The following GLCCI1 variants were observed in gnomAD, a reference collection of about 807,000 sequenced individuals.
The protein encoded by GLCCI1 is glucocorticoid-induced transcript 1 protein.
Under a neutral mutation model 52.2 loss-of-function variants are expected in GLCCI1, and 24 were observed. The ratio of observed to expected loss-of-function variants is 0.46; its 90% CI spans 0.33 to 0.65. The LOEUF (loss-of-function observed/expected upper bound fraction) is 0.65. GLCCI1 is among the 30% of genes least tolerant of loss of function. GLCCI1 has a pLI of 0.02. For synonymous variants in GLCCI1, 310 were observed against 276.5 expected (o/e 1.12, Z -1.20); for missense variants, 704 against 701.5 (o/e 1.00, Z -0.04).
intron 5 of GLCCI1, among the ~76,000 whole-genome samples, chr7:8,064,798 C>T (rs1782593952): frequency 1.3e-5 from 2 of 152,110 alleles, no homozygotes. Context: ...ACCTCCACTT[C>T]CCAGGTTCCA....
Position 8,076,707 on chromosome 7 carries a change from A to G in GLCCI1, c.1177+5576A>G, listed in dbSNP as rs183256732. On this transcript the variant is annotated intron_variant, in intron 6 of 7. Coordinates refer to ENST00000223145, the MANE Select transcript of GLCCI1 (RefSeq NM_138426.4). ...AAATTTTTAACATACCTGCATATAT[A>G]TTTCACTTAATTGTTTGTCTATTTA... Among the ~76,000 whole-genome samples the G allele has an allele frequency of 2.1e-3, 325 of 152,318 alleles. 2 individuals are homozygous for G. The highest frequency in any genetic ancestry group is 7.5e-3 in the African/African-American group (312 of 41,578).
chr7:8,056,702 G>C (rs1351801936), intron 4 of GLCCI1, among the ~76,000 whole-genome samples: 1 of 152,082 alleles, frequency 6.6e-6, no homozygotes, highest in African/African-American at 2.4e-5. Flanking sequence ...AAAGACAGTT[G>C]ATTTTTTAGA....
chr7:8,002,095 T>C (rs1416936244), intron 1 of GLCCI1, among the ~76,000 whole-genome samples: 1 of 151,936 alleles, frequency 6.6e-6, no homozygotes, highest in Non-Finnish European at 1.5e-5. Context: ...TAAAGTATAC[T>C]TTTAAAAAAA....
At chr7:8,059,967 T>C in intron 4 of GLCCI1, 129 bp from the exon 5 acceptor site, 2 of 756,890 alleles carry the variant, frequency 2.6e-6, no homozygotes, top group Non-Finnish European at 4.2e-6. Context: ...TGCACCTGAA[T>C]TTTATTGTAT....
chr7:8,077,170 C>G (rs1335414074), intron 6 of GLCCI1, among the ~76,000 whole-genome samples: 1 of 151,748 alleles, frequency 6.6e-6, no homozygotes, highest in Non-Finnish European at 1.5e-5. Flanking sequence ...CTGATAGTAA[C>G]TGGGTGGAAA....
At chr7:7,986,792 T>C (rs1291248307) in intron 1 of GLCCI1, among the ~76,000 whole-genome samples, 1 of 152,314 alleles carries the variant, frequency 6.6e-6, no homozygotes, top group Admixed American at 6.5e-5. Context: ...TTAAGAGATA[T>C]TCAGACCTAG....
chr7:7,981,009 C>T (rs37981), intron 1 of GLCCI1: 215,595 of 518,874 alleles, frequency 0.42, 46,224 homozygotes, highest in Middle Eastern at 0.51. Flanking sequence ...GAAGGTCAGC[C>T]GAAGAAGTAG....
chr7:7,969,663 A>T lies in GLCCI1; in HGVS notation c.313A>T (p.Ser105Cys), dbSNP rs1780298041. 4.7e-6 allele frequency: 5 copies of T among 1,057,694 alleles called. No individual in the cohort carries two copies. The highest frequency in any genetic ancestry group is 5.7e-6 in the Non-Finnish European group (5 of 879,600). 65.5% of individuals were successfully genotyped at this position (1,057,694 alleles called of 1,614,324 possible). The change falls in exon 1 of 8, where the codon AGC becomes TGC. Residue 105 changes from serine (S) to cysteine (C), a missense_variant. Physicochemically the swap from Ser to Cys is moderately radical, Grantham distance 112. Transcript: ENST00000223145. This position sits in a 1 kb window ranked among gnomAD's most constrained non-coding sequence, Gnocchi z 4.9. ...GGGGCCCGGCGCGGCCCGCGGCCCC[A>T]GCCCGTCCAGCCCGACGCCGCCGGC... ...LPGPGAARGP[S>C]PSSPTPPAAA...
At chr7:8,067,927 G>T (rs1325623812) in intron 5 of GLCCI1, among the ~76,000 whole-genome samples, 1 of 152,040 alleles carries the variant, frequency 6.6e-6, no homozygotes, top group Non-Finnish European at 1.5e-5. Context: ...TTTCATGGAC[G>T]GTATCCTGAA....
At chr7:7,993,719 G>A (rs1481718666) in intron 1 of GLCCI1, among the ~76,000 whole-genome samples, 1 of 151,688 alleles carries the variant, frequency 6.6e-6, no homozygotes, top group Admixed American at 6.6e-5. Flanking sequence ...GTGTTTTGTG[G>A]AGATATTTTG....
intron 2 of GLCCI1, among the ~76,000 whole-genome samples, chr7:8,007,123 T>G (rs1781167602): frequency 6.6e-6 from 1 of 152,102 alleles, no homozygotes; most frequent in Admixed American, 6.6e-5. Context: ...TCTCCTGAAT[T>G]TTGAGGTCCA....
chr7:7,988,716 A>G (rs1172064273), intron 1 of GLCCI1, among the ~76,000 whole-genome samples: 2 of 152,144 alleles, frequency 1.3e-5, no homozygotes, highest in Non-Finnish European at 2.9e-5. Flanking sequence ...TAAAATTTGG[A>G]CAGACTGTCT....
At chr7:8,072,074 G>A (rs910122269) in intron 6 of GLCCI1, among the ~76,000 whole-genome samples, 2 of 152,164 alleles carry the variant, frequency 1.3e-5, no homozygotes, top group African/African-American at 4.8e-5. Context: ...CCTACATCAA[G>A]TATAGATATA....
chr7:8,067,412 T>C (rs1387604583), intron 5 of GLCCI1, among the ~76,000 whole-genome samples: 3 of 152,218 alleles, frequency 2.0e-5, no homozygotes, highest in African/African-American at 4.8e-5. Flanking sequence ...TGATCCTTCA[T>C]TGTGTTGTTA....
intron 6 of GLCCI1, among the ~76,000 whole-genome samples, chr7:8,083,982 A>G (rs958205594): frequency 3.9e-5 from 6 of 152,244 alleles, no homozygotes; most frequent in African/African-American, 1.4e-4. Context: ...AGATGAAAAT[A>G]ATACATTTCA....
intron 2 of GLCCI1, among the ~76,000 whole-genome samples, chr7:8,018,146 ATAAT>A (rs932471201): frequency 3.9e-5 from 6 of 152,192 alleles, no homozygotes; most frequent in Non-Finnish European, 5.9e-5. Context: ...GTACTATAAA[ATAAT>A]TAGCAGTCAG....
At chr7:7,995,281 G>T (rs1339566168) in intron 1 of GLCCI1, among the ~76,000 whole-genome samples, 1 of 152,152 alleles carries the variant, frequency 6.6e-6, no homozygotes, top group African/African-American at 2.4e-5. Context: ...GGCTGAGGTA[G>T]GCAAATCATT....
At chr7:8,000,768 A>G (rs1781035998) in intron 1 of GLCCI1, among the ~76,000 whole-genome samples, 2 of 152,180 alleles carry the variant, frequency 1.3e-5, no homozygotes, top group African/African-American at 4.8e-5. Context: ...TCAAGAATCT[A>G]TATGTACCCT....
intron 6 of GLCCI1, 68 bp from the exon 7 acceptor site, chr7:8,084,829 G>A (rs993630633): frequency 2.6e-6 from 4 of 1,557,084 alleles, no homozygotes; most frequent in African/African-American, 2.7e-5. Context: ...GCAAAAGGCT[G>A]TTTGTTTGGA....
Sources: gnomAD v4.1 joint callset for allele counts (sites outside exome capture counted in the v4.1 genomes callset) on GRCh38, gnomAD v4.1.1 for gene constraint, Gnocchi (gnomAD v3.1) non-coding constraint, MANE v1.5 for transcripts, NCBI Gene and HGNC (gene_info 2026-07-23, HGNC 2026-07-21) for gene names.